Variants in GRIK1 observed in about 807,000 individuals in gnomAD.
GRIK1 encodes the protein glutamate ionotropic receptor kainate type subunit 1, also known as glutamate receptor ionotropic, kainate 1.
GRIK1 carries 69 observed loss-of-function variants against 105.7 expected under a neutral mutation model. That is an observed-to-expected ratio of 0.65 (90% CI 0.54 to 0.80). The LOEUF is 0.80. Among genes scored for constraint, GRIK1 ranks in the 30% least tolerant of loss-of-function variants. GRIK1 has a pLI of 0.00. For synonymous variants in GRIK1, 438 were observed against 431.3 expected (o/e 1.02, Z -0.19); for missense variants, 1,109 against 1,167.3 (o/e 0.95, Z 0.73).
At chr21:29,908,853 A>G (rs1366509766) in intron 1 of GRIK1, among the ~76,000 whole-genome samples, 1 of 152,174 alleles carries the variant, frequency 6.6e-6, no homozygotes, top group African/African-American at 2.4e-5. Flanking sequence ...TTTGACTAAT[A>G]TAATGTTGGT....
intron 1 of GRIK1, among the ~76,000 whole-genome samples, chr21:29,712,724 A>C (rs773835474): frequency 6.6e-6 from 1 of 152,096 alleles, no homozygotes; most frequent in South Asian, 2.1e-4. Context: ...ATTTATATTT[A>C]TCTTCTTTTG....
chr21:29,786,289 A>T (rs465665), intron 1 of GRIK1, among the ~76,000 whole-genome samples: 122,493 of 152,224 alleles, frequency 0.8, 50,100 homozygotes, highest in Non-Finnish European at 0.88. Context: ...GCCCAGCCTC[A>T]GTGTATCTTA....
At chr21:29,546,053 C>A (rs1180674715) in intron 16 of GRIK1, among the ~76,000 whole-genome samples, 7 of 152,186 alleles carry the variant, frequency 4.6e-5, no homozygotes, top group African/African-American at 1.7e-4. Flanking sequence ...TCCAAGGCCA[C>A]CCTCTGTCCT....
chr21:29,841,224 T>C (rs976390111), intron 1 of GRIK1, among the ~76,000 whole-genome samples: 5 of 152,208 alleles, frequency 3.3e-5, no homozygotes, highest in Middle Eastern at 3.4e-3. Context: ...CAATAGAAAA[T>C]CAATATGTCT....
intron 1 of GRIK1, among the ~76,000 whole-genome samples, chr21:29,746,549 T>G (rs2065053377): frequency 6.6e-6 from 1 of 152,128 alleles, no homozygotes; most frequent in South Asian, 2.1e-4. Context: ...ACACATGTAT[T>G]GATATCATTC....
intron 14 of GRIK1, among the ~76,000 whole-genome samples, chr21:29,567,526 TAA>T (rs1488048126): frequency 1.3e-5 from 2 of 152,174 alleles, no homozygotes; most frequent in Non-Finnish European, 2.9e-5. Flanking sequence ...ACATTAGAAA[TAA>T]GTTATTGATA....
At position 29,635,870 on chromosome 21, in the gene GRIK1, C is replaced by T. The variant is rs141030493; in HGVS notation, c.1098+6956G>A. On this transcript the variant is annotated intron_variant, in intron 7 of 17. Coordinates refer to ENST00000327783, the MANE Select transcript of GRIK1 (RefSeq NM_001330994.2). ...GCTGAGGAAACAGTGCAAGCTTCCACTGAAATAGGAATCCATCACCCAATG... is the reference window on the plus strand; with the variant it reads ...GCTGAGGAAACAGTGCAAGCTTCCATTGAAATAGGAATCCATCACCCAATG... 6.6e-5 allele frequency among the ~76,000 whole-genome samples: 10 copies of T among 152,260 alleles called. No homozygotes were observed. In the East Asian group the frequency reaches 1.9e-3, roughly 29 times the overall value.
At chr21:29,620,889 G>A (rs2061985188) in intron 7 of GRIK1, among the ~76,000 whole-genome samples, 1 of 136,512 alleles carries the variant, frequency 7.3e-6, no homozygotes, top group South Asian at 2.2e-4. Context: ...AGAGCAATGT[G>A]TGATATATAT....
intron 1 of GRIK1, among the ~76,000 whole-genome samples, chr21:29,803,763 A>G (rs1016957412): frequency 3.3e-5 from 5 of 152,154 alleles, no homozygotes; most frequent in Admixed American, 2.6e-4. Flanking sequence ...TTCCCAGCTA[A>G]GATGGCTATT....
intron 1 of GRIK1, among the ~76,000 whole-genome samples, chr21:29,788,605 A>C (rs2066327192): frequency 6.6e-6 from 1 of 152,222 alleles, no homozygotes; most frequent in African/African-American, 2.4e-5. Flanking sequence ...ATTCAAGTGC[A>C]TTACATTTAT....
intron 4 of GRIK1, among the ~76,000 whole-genome samples, chr21:29,664,048 C>G (rs1030889689): frequency 6.6e-6 from 1 of 152,132 alleles, no homozygotes; most frequent in Non-Finnish European, 1.5e-5. Context: ...AGGTGGATTT[C>G]TTGGTTTCTG....
chr21:29,717,293 A>G (rs1013719512), intron 1 of GRIK1, among the ~76,000 whole-genome samples: 10 of 152,358 alleles, frequency 6.6e-5, no homozygotes, highest in Middle Eastern at 6.8e-3. Context: ...AGCACTCCCT[A>G]GTAAAGGTGA....
At chr21:29,776,262 GATTTACC>G (rs1460094159) in intron 1 of GRIK1, among the ~76,000 whole-genome samples, 1 of 152,140 alleles carries the variant, frequency 6.6e-6, no homozygotes, top group Non-Finnish European at 1.5e-5. Context: ...CCATATCAAT[GATTTACC>G]TTTTTATTCT....
chr21:29,781,657 CTT>C (rs71191125), intron 1 of GRIK1, among the ~76,000 whole-genome samples: 6 of 69,268 alleles, frequency 8.7e-5, no homozygotes, highest in South Asian at 7.9e-4. Context: ...CCTACTGTTT[CTT>C]TTTTTTTTTT....
At chr21:29,859,800 G>A (rs988058888) in intron 1 of GRIK1, among the ~76,000 whole-genome samples, 12 of 152,218 alleles carry the variant, frequency 7.9e-5, no homozygotes, top group African/African-American at 2.7e-4. Context: ...GACAAATGAA[G>A]TTTGAATTCT....
intron 1 of GRIK1, among the ~76,000 whole-genome samples, chr21:29,790,236 A>G (rs2066375472): frequency 6.6e-6 from 1 of 152,026 alleles, no homozygotes; most frequent in African/African-American, 2.4e-5. Context: ...TTTGGTAGAG[A>G]CGGGGTTTCA....
intron 9 of GRIK1, among the ~76,000 whole-genome samples, chr21:29,592,724 A>C (rs565074762): frequency 7.4e-4 from 113 of 152,344 alleles, no homozygotes; most frequent in African/African-American, 2.6e-3. Context: ...CATGTTGTTA[A>C]GACCTGCACA....
At chr21:29,550,559 G>A (rs2090117394) in intron 16 of GRIK1, among the ~76,000 whole-genome samples, 1 of 152,144 alleles carries the variant, frequency 6.6e-6, no homozygotes, top group South Asian at 2.1e-4. Context: ...TTCTAGAGAC[G>A]AGGTCCAGAG....
intron 13 of GRIK1, among the ~76,000 whole-genome samples, chr21:29,577,536 A>C (rs1438725542): frequency 6.6e-6 from 1 of 152,220 alleles, no homozygotes; most frequent in African/African-American, 2.4e-5. Flanking sequence ...AGTGTGAAGT[A>C]AAATATTCTG....
Sources: allele counts gnomAD v4.1 joint callset (sites outside exome capture counted in the v4.1 genomes callset), GRCh38; gene constraint gnomAD v4.1.1; transcripts MANE v1.5; gene names NCBI Gene and HGNC (gene_info 2026-07-23, HGNC 2026-07-21).